PPP6R3: variants seen among roughly 807,000 people sequenced by gnomAD.
The protein encoded by PPP6R3 is serine/threonine-protein phosphatase 6 regulatory subunit 3.
Under a neutral mutation model 110.7 loss-of-function variants are expected in PPP6R3, and 38 were observed. The ratio of observed to expected loss-of-function variants is 0.34; its 90% confidence interval spans 0.26 to 0.45. The LOEUF (loss-of-function observed/expected upper bound fraction) is 0.45. PPP6R3 is among the 20% of genes least tolerant of loss of function. The probability of loss-of-function intolerance (pLI) is 1.00; values close to 1 mark genes in which losing one functional copy is unlikely to be tolerated. For missense variants in PPP6R3, 870 were observed against 1,062.4 expected (o/e 0.82, Z 2.52); for synonymous variants, 369 against 373.5 (o/e 0.99, Z 0.14).
intron 5 of PPP6R3, among the ~76,000 whole-genome samples, chr11:68,549,390 G>A (rs2099361974): frequency 1.3e-5 from 2 of 152,230 alleles, no homozygotes; most frequent in Non-Finnish European, 1.5e-5. Flanking sequence ...CCAGGGCAGG[G>A]CATGTTCCAG....
chr11:68,549,171 G>A (rs745896318), intron 5 of PPP6R3, among the ~76,000 whole-genome samples: 1 of 152,192 alleles, frequency 6.6e-6, no homozygotes, highest in Admixed American at 6.5e-5. Flanking sequence ...GATTACAGGC[G>A]TGAGCCACTG....
chr11:68,608,271 G>T (rs1036382968), intron 22 of PPP6R3, among the ~76,000 whole-genome samples: 1 of 152,070 alleles, frequency 6.6e-6, no homozygotes, highest in East Asian at 1.9e-4. Flanking sequence ...ATTGGCAAAA[G>T]ATAAGTTTAT....
rs1168904747 is a variant in PPP6R3, at chr11:68,514,891, C to T, written c.-157-4610C>T. 4 of 152,184 alleles carry T rather than the reference C, an allele frequency of 2.6e-5. No homozygotes were observed. The East Asian group carries it at 7.7e-4, about 29-fold the overall frequency. The allele number at this position is 152,184 out of a possible 1,614,324, so 9.4% of individuals were successfully genotyped here. A position where few individuals can be genotyped will look rare whatever the true frequency, so the allele number is the denominator to read the frequency against. On this transcript the variant is annotated intron_variant, in intron 1 of 23. Coordinates refer to ENST00000393800, the MANE Select transcript of PPP6R3 (RefSeq NM_001164161.2). ...TGAGCCACCATGCCTGGCCTGAAAT[C>T]CCCCTTTGAAAATAGAAATACATGT...
intron 2 of PPP6R3, among the ~76,000 whole-genome samples, chr11:68,536,962 C>A (rs1484025844): frequency 6.6e-6 from 1 of 152,150 alleles, no homozygotes; most frequent in African/African-American, 2.4e-5. Context: ...TTTTATATTT[C>A]CATTTGTAAC....
At chr11:68,590,633 C>T (rs767030347) in intron 16 of PPP6R3, 27 bp from the exon 17 acceptor site, 25 of 1,544,852 alleles carry the variant, frequency 1.6e-5, no homozygotes, top group African/African-American at 2.8e-5. Flanking sequence ...TTAATGCTTC[C>T]TACACTTTTA....
chr11:68,466,584 G>T (rs1412481476), intron 1 of PPP6R3, among the ~76,000 whole-genome samples: 1 of 151,656 alleles, frequency 6.6e-6, no homozygotes, highest in African/African-American at 2.4e-5. Flanking sequence ...GACTACAGGG[G>T]CCGGCCACCA....
chr11:68,480,364 T>C (rs1316748556), intron 1 of PPP6R3, among the ~76,000 whole-genome samples: 2 of 152,244 alleles, frequency 1.3e-5, no homozygotes, highest in African/African-American at 2.4e-5. Flanking sequence ...GTAGTCAATG[T>C]TCAGCAAATA....
rs1157718676 is a variant in PPP6R3, at chr11:68,609,582, C to G, written c.2451-322C>G. 19 of 1,551,248 alleles carry G rather than the reference C, an allele frequency of 1.2e-5. No individual in the cohort carries two copies. The East Asian group carries it at 4.6e-4, about 38-fold the overall frequency. The stretch of plus-strand genomic sequence containing the variant: ...AGTATTCTGAAACTCTTGTACATTT[C>G]TTTTTCTGTTTTGCACACTGGGCTT... On this transcript the variant is annotated intron_variant, in intron 22 of 23. Coordinates refer to ENST00000393800, the MANE Select transcript of PPP6R3 (RefSeq NM_001164161.2).
chr11:68,539,589 A>G (rs2099298557), intron 3 of PPP6R3, among the ~76,000 whole-genome samples: 1 of 152,172 alleles, frequency 6.6e-6, no homozygotes, highest in Non-Finnish European at 1.5e-5. Flanking sequence ...TGTGTAACAT[A>G]TCTTGGATGA....
rs144625799 is a variant in PPP6R3, at chr11:68,514,119, A to G, written c.-157-5382A>G. The stretch of plus-strand genomic sequence containing the variant: ...TGCTTTGTCACCCAGGCTGGAGTGC[A>G]GTGGCGTGATCATATCTCTCTGTAA... On this transcript the variant is annotated intron_variant, in intron 1 of 23. Coordinates refer to ENST00000393800, the MANE Select transcript of PPP6R3 (RefSeq NM_001164161.2). Among the ~76,000 whole-genome samples the G allele has an allele frequency of 9.9e-3, 1,503 of 152,360 alleles. 13 individuals are homozygous for G. The highest frequency in any genetic ancestry group is 0.015 in the Admixed American group (236 of 15,308).
intron 22 of PPP6R3, among the ~76,000 whole-genome samples, chr11:68,606,555 A>G (rs531900585): frequency 6.6e-6 from 1 of 151,320 alleles, no homozygotes; most frequent in Non-Finnish European, 1.5e-5. Context: ...AGCTCAAGCA[A>G]TCCACCTGCC....
At chr11:68,534,198 G>A (rs2099257212) in intron 2 of PPP6R3, among the ~76,000 whole-genome samples, 2 of 152,162 alleles carry the variant, frequency 1.3e-5, no homozygotes, top group Non-Finnish European at 2.9e-5. Flanking sequence ...CAAGGGCTGT[G>A]GGGTAGACGT....
At chr11:68,611,587 C>T (rs1463256119) in intron 23 of PPP6R3, among the ~76,000 whole-genome samples, 1 of 152,044 alleles carries the variant, frequency 6.6e-6, no homozygotes, top group Non-Finnish European at 1.5e-5. Flanking sequence ...CTCTGACACA[C>T]GTTTGTGTGT....
chr11:68,599,440 T>C (rs1477954769), intron 19 of PPP6R3, among the ~76,000 whole-genome samples: 2 of 152,190 alleles, frequency 1.3e-5, no homozygotes, highest in Non-Finnish European at 2.9e-5. Context: ...GTAAGTGTGC[T>C]CAAGCAAGTC....
intron 23 of PPP6R3, among the ~76,000 whole-genome samples, chr11:68,611,592 G>A (rs1170445337): frequency 2.0e-5 from 3 of 152,160 alleles, no homozygotes. Flanking sequence ...ACACACGTTT[G>A]TGTGTGGTGG....
At chr11:68,517,123 A>G (rs541454786) in intron 1 of PPP6R3, among the ~76,000 whole-genome samples, 24 of 145,460 alleles carry the variant, frequency 1.6e-4, no homozygotes, top group Admixed American at 7.5e-4. Flanking sequence ...TTTTTTTTTT[A>G]GAACCCCTGT....
intron 1 of PPP6R3, among the ~76,000 whole-genome samples, chr11:68,491,316 A>G (rs2098982409): frequency 7.0e-6 from 1 of 142,276 alleles, no homozygotes; most frequent in African/African-American, 2.6e-5. Flanking sequence ...GAAGGTTGTT[A>G]AGTGTCTTCA....
intron 2 of PPP6R3, among the ~76,000 whole-genome samples, chr11:68,519,997 CTGTG>C (rs1416100337): frequency 2.0e-5 from 3 of 152,310 alleles, no homozygotes; most frequent in Admixed American, 2.0e-4. Flanking sequence ...GGGACTCTGT[CTGTG>C]TGTTTGTTTT....
At chr11:68,485,015 T>C (rs1488405590) in intron 1 of PPP6R3, among the ~76,000 whole-genome samples, 1 of 152,240 alleles carries the variant, frequency 6.6e-6, no homozygotes, top group Non-Finnish European at 1.5e-5. Context: ...TTCTTATCCA[T>C]GAACATGGAA....
Sources: allele counts gnomAD v4.1 joint callset (sites outside exome capture counted in the v4.1 genomes callset), GRCh38; gene constraint gnomAD v4.1.1; transcripts MANE v1.5; gene names NCBI Gene and HGNC (gene_info 2026-07-23, HGNC 2026-07-21).